LRCH1: variants seen among roughly 807,000 people sequenced by gnomAD.
LRCH1 encodes leucine-rich repeat and calponin homology domain-containing protein 1.
Under a neutral mutation model 94.9 loss-of-function variants are expected in LRCH1, and 23 were observed. The observed-to-expected ratio is 0.24, with a 90% CI of 0.17 to 0.34. The LOEUF is 0.34. Among genes scored for constraint, LRCH1 ranks in the 10% least tolerant of loss-of-function variants. LRCH1 has a pLI of 1.00. For missense variants in LRCH1, 790 were observed against 945.9 expected, an observed-to-expected ratio of 0.84 and a Z score of 2.16; for synonymous variants, 364 against 354.9, an observed-to-expected ratio of 1.03 and a Z score of -0.29.
chr13:46,724,642 T>C (rs1188945246), intron 17 of LRCH1, among the ~76,000 whole-genome samples: 1 of 152,186 alleles, frequency 6.6e-6, no homozygotes, highest in Admixed American at 6.5e-5. Context: ...AGGAAGATCA[T>C]ACATAAATGT....
At chr13:46,641,988 C>T (rs1363603049) in intron 1 of LRCH1, among the ~76,000 whole-genome samples, 2 of 152,154 alleles carry the variant, frequency 1.3e-5, no homozygotes, top group African/African-American at 4.8e-5. Flanking sequence ...TCTGGGGTTC[C>T]GGTTTGCTGC....
chr13:46,579,921 A>G (rs1310193378), intron 1 of LRCH1, among the ~76,000 whole-genome samples: 2 of 152,222 alleles, frequency 1.3e-5, no homozygotes, highest in Non-Finnish European at 1.5e-5. Flanking sequence ...TATTAACTTC[A>G]TGGAGCTTCA....
intron 1 of LRCH1, among the ~76,000 whole-genome samples, chr13:46,580,825 A>T (rs2050356543): frequency 6.6e-6 from 1 of 152,238 alleles, no homozygotes; most frequent in Non-Finnish European, 1.5e-5. Flanking sequence ...CAGAGCCCAA[A>T]GGACAGTTGG....
At chr13:46,750,103 A>G (rs773327931) in intron 18 of LRCH1, among the ~76,000 whole-genome samples, 14 of 152,220 alleles carry the variant, frequency 9.2e-5, no homozygotes, top group South Asian at 2.1e-4. Flanking sequence ...AATGAACTCA[A>G]TGAAGTTCTA....
At position 46,728,975 on chromosome 13, in the gene LRCH1, A is replaced by G. The variant is rs528296543; in HGVS notation, c.1998A>G (p.Ser666=). The G allele has an allele frequency of 1.6e-4, 253 of 1,612,570 alleles. 5 individuals carry two copies. The Middle Eastern group carries it at 3.5e-3, about 22-fold the overall frequency. Residue 666 remains serine, a synonymous_variant, in exon 18 of 20, where the codon TCA becomes TCG. Coordinates refer to ENST00000389797, the MANE Select transcript of LRCH1 (RefSeq NM_001164211.2). The part of the protein sequence containing the change: ...PRSVASIHVP[S]PAVPKLSMAK... ...CGGTTGCAAGCATCCATGTCCCATC[A>G]CCAGCGGTTGTAAGTAACACCAAAG...
intron 2 of LRCH1, 151 bp from the exon 3 acceptor site, chr13:46,668,879 G>C: frequency 1.6e-6 from 1 of 641,738 alleles, no homozygotes; most frequent in Non-Finnish European, 2.6e-6. Context: ...CTTGTCATTT[G>C]AGTTGTCACA....
Position 46,647,136 on chromosome 13 carries a change from A to G in LRCH1, c.308-3065A>G, listed in dbSNP as rs377594375. 7.3e-5 allele frequency among the ~76,000 whole-genome samples: 11 copies of G among 151,652 alleles called. No individual in the cohort carries two copies. In the East Asian group the frequency reaches 1.9e-3, roughly 27 times the overall value. ...TCAAAAAAAAAAAAAAAAAGAAACC[A>G]TGCTAAAAGTATGTCATTTGCATAT... On this transcript the variant is annotated intron_variant, in intron 1 of 19. Coordinates refer to ENST00000389797, the MANE Select transcript of LRCH1 (RefSeq NM_001164211.2).
rs1593391318 is a variant in LRCH1 at position 46,743,702 on chromosome 13, T to TG, written c.*1856dup. On this transcript the variant is annotated 3_prime_UTR_variant, in exon 20 of 20. Transcript: ENST00000389797. Reference sequence around the variant, plus strand: ...TTCTCTTTAATGGTCACCACTGTGGTGGTTTTTCCCTTCTTTCTGGGGAGA... The same window carrying TG: ...TTCTCTTTAATGGTCACCACTGTGGTGGGTTTTTCCCTTCTTTCTGGGGAGA... 3.3e-5 allele frequency: 32 copies of TG among 982,946 alleles called. No homozygotes were observed. Among genetic ancestry groups the TG allele is most frequent in the Non-Finnish European group, 3.9e-5 (32 of 829,552 alleles). The allele number at this position is 982,946 out of a possible 1,614,324, so 60.9% of individuals were successfully genotyped here.
intron 2 of LRCH1, among the ~76,000 whole-genome samples, chr13:46,663,811 C>T (rs1025337817): frequency 1.4e-4 from 22 of 152,198 alleles, no homozygotes; most frequent in African/African-American, 3.9e-4. Context: ...AGAGTATCCA[C>T]GCTGTGAAAC....
At chr13:46,625,378 C>T (rs368429777) in intron 1 of LRCH1, among the ~76,000 whole-genome samples, 25 of 152,162 alleles carry the variant, frequency 1.6e-4, no homozygotes, top group East Asian at 5.8e-4. Flanking sequence ...GCCCCCAGGG[C>T]GATGGTATTA....
At chr13:46,679,568 T>C (rs2051723205) in intron 3 of LRCH1, among the ~76,000 whole-genome samples, 1 of 152,324 alleles carries the variant, frequency 6.6e-6, no homozygotes, top group South Asian at 2.1e-4. Flanking sequence ...TCTGCAGATG[T>C]GCTTGTGGAG....
chr13:46,698,180 T>C (rs1249253022), intron 9 of LRCH1, among the ~76,000 whole-genome samples: 3 of 152,222 alleles, frequency 2.0e-5, no homozygotes, highest in African/African-American at 7.2e-5. Flanking sequence ...GGGAAAAGTC[T>C]TGTCCTAACA....
chr13:46,747,562 A>G (rs969467708), downstream of LRCH1, among the ~76,000 whole-genome samples: 6 of 152,254 alleles, frequency 3.9e-5, no homozygotes, highest in Admixed American at 1.3e-4. Flanking sequence ...ATTCAGGCAC[A>G]TTCTAGACTA....
At chr13:46,602,673 G>A (rs1347726401) in intron 1 of LRCH1, among the ~76,000 whole-genome samples, 2 of 152,096 alleles carry the variant, frequency 1.3e-5, no homozygotes, top group Non-Finnish European at 2.9e-5. Context: ...ATAAAATGGA[G>A]GCTGGGTACA....
intron 1 of LRCH1, among the ~76,000 whole-genome samples, chr13:46,570,905 G>A (rs191103430): frequency 2.6e-5 from 4 of 152,332 alleles, no homozygotes; most frequent in Non-Finnish European, 1.5e-5. Context: ...TTCCCATTCA[G>A]ATTTTTAAAT....
chr13:46,577,001 T>A (rs899100685), intron 1 of LRCH1, among the ~76,000 whole-genome samples: 1 of 152,144 alleles, frequency 6.6e-6, no homozygotes, highest in Non-Finnish European at 1.5e-5. Flanking sequence ...CAGGATTCGG[T>A]CCCTTGTGAT....
rs558242699 is a variant in LRCH1, at chr13:46,606,084, G to A, written c.308-44117G>A. 2.2e-4 allele frequency among the ~76,000 whole-genome samples: 34 copies of A among 152,064 alleles called. 1 individual carries two copies. In the South Asian group the frequency reaches 6.4e-3, roughly 29 times the overall value. On this transcript the variant is annotated intron_variant, in intron 1 of 19. Transcript: ENST00000389797. ...CCCAACTATTGAGGAAAAGGACTCA[G>A]GACAATTTAACATTTCAAGTCATTG...
At chr13:46,634,492 C>T (rs913952090) in intron 1 of LRCH1, among the ~76,000 whole-genome samples, 4 of 152,328 alleles carry the variant, frequency 2.6e-5, no homozygotes, top group African/African-American at 9.6e-5. Flanking sequence ...AAGAGCTATT[C>T]TCTTCCTCCC....
intron 3 of LRCH1, 37 bp from the exon 4 acceptor site, chr13:46,681,704 A>C (rs1440502287): frequency 7.2e-7 from 1 of 1,382,734 alleles, no homozygotes; most frequent in African/African-American, 1.4e-5. Flanking sequence ...TTCCTGGAAA[A>C]AGATGTTTAT....
Sources: gnomAD v4.1 joint callset for allele counts (sites outside exome capture counted in the v4.1 genomes callset) on GRCh38, gnomAD v4.1.1 for gene constraint, MANE v1.5 for transcripts, NCBI Gene and HGNC (gene_info 2026-07-23, HGNC 2026-07-21) for gene names.